The following NPIPB9 variants were observed in gnomAD, a reference collection of about 807,000 sequenced individuals.
The protein encoded by NPIPB9 is nuclear pore complex-interacting protein family member B9.
NPIPB9 carries 1 observed loss-of-function variant against 5.6 expected under a neutral mutation model. The ratio of observed to expected loss-of-function variants is 0.18; its 90% CI spans 0.06 to 0.84. The LOEUF (loss-of-function observed/expected upper bound fraction) is 0.84, where lower values mean the gene tolerates loss of function less well. Among genes scored for constraint, NPIPB9 ranks in the 40% least tolerant of loss-of-function variants. The pLI is 0.70. For synonymous variants in NPIPB9, 2 were observed against 12.5 expected (o/e 0.16, Z 1.77); for missense variants, 3 against 39.1 (o/e 0.08, Z 2.46).
At position 28,769,690 on chromosome 16, in the gene NPIPB9, G is replaced by A. The variant is rs542840770; in HGVS notation, c.591-898G>A. ...GAAACAAACGGTCAGAAGACATATC[G>A]TGAGAGAGAGCGAGAGAGAGTTCAC... On this transcript the variant is annotated intron_variant, in intron 5 of 7. Coordinates refer to ENST00000550983, the Ensembl canonical transcript of NPIPB9. 436 of 853,030 alleles carry A rather than the reference G, an allele frequency of 5.1e-4. 25 individuals carry two copies. In the African/African-American group the frequency reaches 6.8e-3, roughly 13 times the overall value. The allele number at this position is 853,030 out of a possible 1,614,324, so 52.8% of individuals were successfully genotyped here.
chr16:28,758,452 C>A (rs2048916606), intron 2 of NPIPB9, among the ~76,000 whole-genome samples: 3 of 124,344 alleles, frequency 2.4e-5, no homozygotes, highest in African/African-American at 5.9e-5. Flanking sequence ...TTCTTCTTCT[C>A]CTCCTCCTCC....
intron 1 of NPIPB9, among the ~76,000 whole-genome samples, chr16:28,756,354 G>GCCCA (rs2048820709): frequency 8.3e-6 from 1 of 120,426 alleles, no homozygotes; most frequent in Admixed American, 8.9e-5. Context: ...ACAGGCGGGT[G>GCCCA]CCACCATGCC....
intron 5 of NPIPB9, among the ~76,000 whole-genome samples, chr16:28,769,761 T>C (rs1274544414): frequency 6.8e-6 from 1 of 148,002 alleles, no homozygotes; most frequent in Non-Finnish European, 1.5e-5. Flanking sequence ...GACCAAAAGA[T>C]GTGAAGTAGC....
intron 1 of NPIPB9, among the ~76,000 whole-genome samples, chr16:28,756,218 G>C (rs1321124022): frequency 4.8e-5 from 3 of 61,966 alleles, no homozygotes; most frequent in East Asian, 9.4e-4. Flanking sequence ...TTTTCTTTTT[G>C]AGACAGAGTC....
At chr16:28,756,267 C>T (rs1416394499) in intron 1 of NPIPB9, among the ~76,000 whole-genome samples, 2 of 130,752 alleles carry the variant, frequency 1.5e-5, no homozygotes, top group African/African-American at 2.7e-5. Flanking sequence ...TGCAATGGTA[C>T]GATCTCGGCT....
chr16:28,759,187 ACT>A (rs1415318713), intron 2 of NPIPB9, among the ~76,000 whole-genome samples: 8 of 65,474 alleles, frequency 1.2e-4, no homozygotes, highest in African/African-American at 5.0e-4. Flanking sequence ...ACAGAGTCTC[ACT>A]CTGTCGCCCA....
At chr16:28,769,967 A>G (rs1310819290) in intron 5 of NPIPB9, among the ~76,000 whole-genome samples, 2 of 133,436 alleles carry the variant, frequency 1.5e-5, no homozygotes, top group East Asian at 2.5e-4. Context: ...GGATATTAAT[A>G]CAAAGAGAAT....
At chr16:28,767,025 CTTT>C (rs1160796264) in intron 5 of NPIPB9, among the ~76,000 whole-genome samples, 1 of 39,500 alleles carries the variant, frequency 2.5e-5, no homozygotes, top group Non-Finnish European at 4.7e-5. Flanking sequence ...CACACCCAGG[CTTT>C]TTTTTTTTTT....
Position 28,753,535 on chromosome 16 carries a change from C to T in NPIPB9, c.25+943C>T, listed in dbSNP as rs1450798389. Reference sequence around the variant, plus strand: ...ACACACACACACACACATACATACACACACACACACACACACACACACACA... The same window carrying T: ...ACACACACACACACACATACATACATACACACACACACACACACACACACA... On this transcript the variant is annotated intron_variant, in intron 1 of 7. Transcript: ENST00000550983. 1.9e-3 allele frequency among the ~76,000 whole-genome samples: 86 copies of T among 46,094 alleles called. 3 individuals carry two copies. The highest frequency in any genetic ancestry group is 6.8e-3 in the African/African-American group (74 of 10,878). The allele number at this position is 46,094 out of a possible 152,430, so 30.2% of individuals were successfully genotyped here.
chr16:28,765,403 ATTTTTT>A (rs1206825669), intron 3 of NPIPB9, among the ~76,000 whole-genome samples: 4 of 34,240 alleles, frequency 1.2e-4, no homozygotes, highest in East Asian at 2.1e-3. Flanking sequence ...CACCTGGGCT[ATTTTTT>A]TTTTTTTTTT....
In NPIPB9 at chr16:28,756,148, C is replaced by T. The variant is rs1243390579; in HGVS notation, c.26-1850C>T. ...TGGTCTAATCTGACTTCAACCCCCA[C>T]TTACTTGGTCTCTCCTTTTACAACC... On this transcript the variant is annotated intron_variant, in intron 1 of 7. Transcript: ENST00000550983. Among the ~76,000 whole-genome samples, 156 of 90,706 alleles carry T rather than the reference C, an allele frequency of 1.7e-3. 19 individuals are homozygous for T. Among genetic ancestry groups the T allele is most frequent in the Non-Finnish European group, 3.3e-3 (127 of 38,398 alleles). 59.5% of individuals were successfully genotyped at this position (90,706 alleles called of 152,430 possible). A position where few individuals can be genotyped will look rare whatever the true frequency, so the allele number is the denominator to read the frequency against.
intron 3 of NPIPB9, among the ~76,000 whole-genome samples, chr16:28,765,721 T>TTTTG (rs1491291152): frequency 2.6e-5 from 1 of 38,010 alleles, no homozygotes; most frequent in African/African-American, 1.1e-4. Flanking sequence ...CATGTCATTC[T>TTTTG]TGTGTGTGTG....
chr16:28,759,096 AC>A (rs2048979646), intron 2 of NPIPB9, among the ~76,000 whole-genome samples: 1 of 107,236 alleles, frequency 9.3e-6, no homozygotes. Flanking sequence ...TCTCTAACAA[AC>A]AAAATGGACC....
intron 1 of NPIPB9, among the ~76,000 whole-genome samples, chr16:28,756,488 C>T (rs2048828475): frequency 9.0e-6 from 1 of 111,398 alleles, no homozygotes; most frequent in African/African-American, 3.0e-5. Flanking sequence ...CAGGCGTGAG[C>T]CACCATGCCC....
chr16:28,758,568 T>G (rs1290438393), intron 2 of NPIPB9: 2 of 44,618 alleles, frequency 4.5e-5, no homozygotes, highest in Admixed American at 2.4e-4. Flanking sequence ...CCCCTCCCCC[T>G]CCCCTTCCCC....
At chr16:28,769,280 A>AT (rs2049310388) in intron 5 of NPIPB9, 4 of 12,394 alleles carry the variant, frequency 3.2e-4, no homozygotes, top group African/African-American at 5.4e-4. Flanking sequence ...CCAGAGTGTG[A>AT]TTTTTTTTGG....
chr16:28,769,675 G>A (rs2049337027), intron 5 of NPIPB9: 2 of 766,670 alleles, frequency 2.6e-6, no homozygotes, highest in Non-Finnish European at 3.1e-6. Context: ...GAAACAAACG[G>A]TCAGAAGACA....
chr16:28,752,959 C>A lies in NPIPB9; in HGVS notation c.25+367C>A, dbSNP rs1596738939. Among the ~76,000 whole-genome samples the A allele has an allele frequency of 1.7e-5, 2 of 116,590 alleles. 1 individual carries two copies. The highest frequency in any genetic ancestry group is 4.4e-4 in the East Asian group (2 of 4,502). The allele number at this position is 116,590 out of a possible 152,430, so 76.5% of individuals were successfully genotyped here. A position where few individuals can be genotyped will look rare whatever the true frequency, so the allele number is the denominator to read the frequency against. On this transcript the variant is annotated intron_variant, in intron 1 of 7. Coordinates refer to ENST00000550983, the Ensembl canonical transcript of NPIPB9. ...TTTTGGGAGGCTGAGGCTGGTGGAT[C>A]ACCTGAGGCCAGGACTTCAAGACCA...
At chr16:28,756,216 T>C (rs907787544) in intron 1 of NPIPB9, among the ~76,000 whole-genome samples, 2 of 124,356 alleles carry the variant, frequency 1.6e-5, no homozygotes, top group Non-Finnish European at 3.7e-5. Context: ...TTTTTTCTTT[T>C]TGAGACAGAG....
Sources: allele counts gnomAD v4.1 joint callset (sites outside exome capture counted in the v4.1 genomes callset), GRCh38; gene constraint gnomAD v4.1.1; transcripts MANE v1.5; gene names NCBI Gene and HGNC (gene_info 2026-07-23, HGNC 2026-07-21).